Variants in SREK1 observed in about 807,000 individuals in gnomAD.
SREK1 encodes the protein splicing regulatory glutamine/lysine-rich protein 1.
A neutral mutation model predicts 66.5 loss-of-function variants in SREK1; 13 were observed. That is an observed-to-expected ratio of 0.20 (90% CI 0.13 to 0.31). The LOEUF (loss-of-function observed/expected upper bound fraction) is 0.31. SREK1 is among the 10% of genes least tolerant of loss of function. The probability of loss-of-function intolerance (pLI) is 1.00; values close to 1 mark genes in which losing one functional copy is unlikely to be tolerated. For missense variants in SREK1, 607 were observed against 769.6 expected, an observed-to-expected ratio of 0.79 and a Z score of 2.50; for synonymous variants, 265 against 263.5, an observed-to-expected ratio of 1.01 and a Z score of -0.05.
At chr5:66,151,864 GAGA>G (rs1743854163) in intron 1 of SREK1, among the ~76,000 whole-genome samples, 1 of 10,566 alleles carries the variant, frequency 9.5e-5, no homozygotes, top group African/African-American at 2.4e-4. Flanking sequence ...TTTTTTTTTT[GAGA>G]AGGAGTCTCG....
chr5:66,146,668 A>G (rs1580609108), intron 1 of SREK1, among the ~76,000 whole-genome samples: 2 of 151,790 alleles, frequency 1.3e-5, no homozygotes, highest in East Asian at 3.9e-4. Context: ...CTGCTTCGTA[A>G]TGAAGTTGTC....
intron 1 of SREK1, among the ~76,000 whole-genome samples, chr5:66,152,235 T>TTTTA (rs1312147397): frequency 1.3e-5 from 2 of 152,116 alleles, no homozygotes; most frequent in African/African-American, 4.8e-5. Flanking sequence ...TGCAGATTCA[T>TTTTA]TTTATTATCA....
chr5:66,153,366 G>T (rs1376222422), intron 1 of SREK1, 97 bp from the exon 2 acceptor site: 2 of 1,465,584 alleles, frequency 1.4e-6, no homozygotes, highest in East Asian at 4.6e-5. Context: ...TCTTAATTTC[G>T]TAAGATTATG....
chr5:66,171,031 C>T, intron 9 of SREK1, 84 bp downstream of exon 9: 11 of 1,493,472 alleles, frequency 7.4e-6, no homozygotes, highest in Non-Finnish European at 9.8e-6. Flanking sequence ...GAAAAGGTTA[C>T]TGTACGCAAG....
At chr5:66,163,428 C>T (rs1268582678) in intron 5 of SREK1, 2 of 185,442 alleles carry the variant, frequency 1.1e-5, no homozygotes, top group Non-Finnish European at 1.1e-5. Context: ...CTAGAGTGTA[C>T]AGGATATCAG....
At chr5:66,165,853 C>G (rs1434955002) in intron 7 of SREK1, 1 of 152,066 alleles carries the variant, frequency 6.6e-6, no homozygotes, top group Non-Finnish European at 1.5e-5. Context: ...CATTGTTTTA[C>G]CAGCAGGCTC....
intron 7 of SREK1, chr5:66,167,355 A>G (rs1745258918): frequency 6.6e-6 from 1 of 152,236 alleles, no homozygotes; most frequent in African/African-American, 2.4e-5. Context: ...ACCTTTATAG[A>G]TTAGAACAGG....
chr5:66,156,695 CTG>C (rs1185476813), intron 2 of SREK1: 144 of 984,892 alleles, frequency 1.5e-4, no homozygotes, highest in Non-Finnish European at 1.7e-4. Context: ...ATATAACAAT[CTG>C]GGAGTAAAGA....
Position 66,178,950 on chromosome 5 carries a change from G to T in SREK1, c.*82G>T, listed in dbSNP as rs1440382624. On this transcript the variant is annotated 3_prime_UTR_variant, in exon 12 of 12. Coordinates refer to ENST00000334121, the MANE Select transcript of SREK1 (RefSeq NM_001077199.3). The stretch of plus-strand genomic sequence containing the variant: ...CTCTCAACAAGATGTAAACAGGAAA[G>T]AAATCTAGTTGAGCATGAAGATAGG... 8 of 1,380,690 alleles carry T rather than the reference G, an allele frequency of 5.8e-6. No individual in the cohort carries two copies. The South Asian group carries it at 1.4e-4, about 25-fold the overall frequency. 85.5% of individuals were successfully genotyped at this position (1,380,690 alleles called of 1,614,324 possible).
chr5:66,144,988 C>T (rs964286376), intron 1 of SREK1: 2 of 987,196 alleles, frequency 2.0e-6, no homozygotes, highest in South Asian at 4.6e-5. Context: ...GTTTTGCTGA[C>T]GAGAAAGCCT....
chr5:66,171,045 A>T lies in SREK1; in HGVS notation c.1484+98A>T, dbSNP rs1745606750. On this transcript the variant is annotated intron_variant, in intron 9 of 11. Transcript: ENST00000334121. The stretch of plus-strand genomic sequence containing the variant: ...AGAAAAGGTTACTGTACGCAAGTGG[A>T]ACCTGTAAAGTAATATAAGAACATT... 6.4e-6 allele frequency: 9 copies of T among 1,406,058 alleles called. No individual in the cohort carries two copies. In the South Asian group the frequency reaches 1.0e-4, roughly 16 times the overall value. The allele number at this position is 1,406,058 out of a possible 1,614,324, so 87.1% of individuals were successfully genotyped here.
At chr5:66,178,277 T>G (rs1411908200) in intron 11 of SREK1, among the ~76,000 whole-genome samples, 3 of 152,076 alleles carry the variant, frequency 2.0e-5, no homozygotes, top group African/African-American at 7.2e-5. Flanking sequence ...TGTTCTCATT[T>G]AACTCTTTTA....
At position 66,182,929 on chromosome 5, in the gene SREK1, G is replaced by C. The variant is rs996362220; in HGVS notation, c.*4061G>C. On this transcript the variant is annotated 3_prime_UTR_variant, in exon 12 of 12. Coordinates refer to ENST00000334121, the MANE Select transcript of SREK1 (RefSeq NM_001077199.3). ...GACTTTGGTTATATTCAGTCAGTTG[G>C]ATTTAGTAACTAATAACTAGCTTTC... The C allele has an allele frequency of 5.3e-5, 8 of 152,212 alleles. No individual in the cohort carries two copies. The highest frequency in any genetic ancestry group is 5.2e-4 in the Admixed American group (8 of 15,278). 9.4% of individuals were successfully genotyped at this position (152,212 alleles called of 1,614,324 possible). A position where few individuals can be genotyped will look rare whatever the true frequency, so the allele number is the denominator to read the frequency against.
At chr5:66,146,616 C>T (rs1460883818) in intron 1 of SREK1, among the ~76,000 whole-genome samples, 1 of 151,840 alleles carries the variant, frequency 6.6e-6, no homozygotes, top group African/African-American at 2.4e-5. Context: ...ATCCCTCATT[C>T]ATGTTTTGCA....
chr5:66,148,556 G>T (rs1454133719), intron 1 of SREK1, among the ~76,000 whole-genome samples: 1 of 152,138 alleles, frequency 6.6e-6, no homozygotes, highest in African/African-American at 2.4e-5. Flanking sequence ...GTCAACGAAT[G>T]AGGTCAAACT....
intron 1 of SREK1, among the ~76,000 whole-genome samples, chr5:66,151,515 G>T (rs1580621391): frequency 6.6e-6 from 1 of 152,126 alleles, no homozygotes; most frequent in African/African-American, 2.4e-5. Context: ...ATGGAATGCA[G>T]GGGACAGAGG....
chr5:66,158,555 G>T (rs1744479092), intron 2 of SREK1: 1 of 192,522 alleles, frequency 5.2e-6, no homozygotes, highest in South Asian at 7.1e-5. Flanking sequence ...TTACGTTGAA[G>T]TTGATTACAT....
In SREK1 at chr5:66,180,686, A is replaced by G. The variant is rs938439160; in HGVS notation, c.*1818A>G. ...TATGTAAAGTATAGATGGTCATTTT[A>G]ATCATTCAGCCACATACGGTTGGCT... On this transcript the variant is annotated 3_prime_UTR_variant, in exon 12 of 12. Transcript: ENST00000334121. 3 of 152,574 alleles carry G rather than the reference A, an allele frequency of 2.0e-5. No individual in the cohort carries two copies. Among genetic ancestry groups the G allele is most frequent in the African/African-American group, 7.2e-5 (3 of 41,428 alleles). The allele number at this position is 152,574 out of a possible 1,614,324, so 9.5% of individuals were successfully genotyped here.
At chr5:66,174,808 A>G in intron 9 of SREK1, 138 bp from the exon 10 acceptor site, 1 of 661,962 alleles carries the variant, frequency 1.5e-6, no homozygotes, top group Non-Finnish European at 2.4e-6. Flanking sequence ...GAACATGCTC[A>G]TAAAGGACAT....
Sources: gnomAD v4.1 joint callset for allele counts (sites outside exome capture counted in the v4.1 genomes callset) on GRCh38, gnomAD v4.1.1 for gene constraint, MANE v1.5 for transcripts, NCBI Gene and HGNC (gene_info 2026-07-23, HGNC 2026-07-21) for gene names.